The following FAM120C variants were observed in gnomAD, a reference collection of about 807,000 sequenced individuals.
FAM120C encodes constitutive coactivator of PPAR-gamma-like protein 2.
FAM120C carries 14 observed loss-of-function variants against 71.2 expected under a neutral mutation model. The ratio of observed to expected loss-of-function variants is 0.20; its 90% CI spans 0.13 to 0.31. The LOEUF is 0.31. FAM120C is among the 10% of genes least tolerant of loss of function. FAM120C has a pLI of 1.00. For missense variants in FAM120C, 500 were observed against 879.0 expected (o/e 0.57, Z 5.45); for synonymous variants, 354 against 353.2 (o/e 1.00, Z -0.03).
chrX:54,133,746 G>A, intron 8 of FAM120C, 27 bp downstream of exon 8: 2 of 1,200,244 alleles, frequency 1.7e-6, no homozygotes, highest in Non-Finnish European at 1.1e-6. Flanking sequence ...TAAGAGCAGG[G>A]AGGTAGGTGC....
intron 1 of FAM120C, among the ~76,000 whole-genome samples, chrX:54,175,027 G>A (rs142988669): frequency 0.017 from 1,890 of 110,949 alleles, 18 homozygotes; most frequent in Middle Eastern, 0.023. Context: ...CTACTAGATA[G>A]ACTATGAGCT....
intron 5 of FAM120C, 104 bp downstream of exon 5, chrX:54,136,387 G>A: frequency 1.8e-6 from 1 of 543,693 alleles, no homozygotes; most frequent in Non-Finnish European, 3.2e-6. Flanking sequence ...CTTGTAGGAG[G>A]ATATAACACG....
At chrX:54,092,998 A>G (rs2066831884) in intron 10 of FAM120C, among the ~76,000 whole-genome samples, 1 of 112,306 alleles carries the variant, frequency 8.9e-6, no homozygotes, top group African/African-American at 3.2e-5. Context: ...CTTAATACAC[A>G]GAAAACACAT....
intron 3 of FAM120C, among the ~76,000 whole-genome samples, chrX:54,156,380 T>G (rs2067209724): frequency 1.2e-5 from 1 of 84,280 alleles, no homozygotes; most frequent in Non-Finnish European, 2.2e-5. Flanking sequence ...TAGACTGCAG[T>G]GGTGCGATCT....
chrX:54,106,078 C>T (rs1256228043), intron 10 of FAM120C, among the ~76,000 whole-genome samples: 1 of 111,624 alleles, frequency 9.0e-6, no homozygotes, highest in Non-Finnish European at 1.9e-5. Flanking sequence ...TCATATGGAA[C>T]CAAAAAGGAG....
At chrX:54,154,406 A>C (rs1024780575) in intron 3 of FAM120C, among the ~76,000 whole-genome samples, 4 of 109,416 alleles carry the variant, frequency 3.7e-5, no homozygotes, top group Non-Finnish European at 5.7e-5. Flanking sequence ...CAGGAGTTTG[A>C]GACCAGCCTG....
intron 1 of FAM120C, among the ~76,000 whole-genome samples, chrX:54,180,810 A>AT (rs1307081110): frequency 9.0e-6 from 1 of 110,753 alleles, no homozygotes; most frequent in Non-Finnish European, 1.9e-5. Flanking sequence ...TGATGAGGTA[A>AT]TTTTTTTTAA....
chrX:54,084,836 C>T (rs985979098), intron 13 of FAM120C, among the ~76,000 whole-genome samples: 1 of 111,502 alleles, frequency 9.0e-6, no homozygotes, highest in East Asian at 2.8e-4. Flanking sequence ...CAAGTGCCAC[C>T]GTAATTTATA....
chrX:54,174,309 C>CG (rs1372200387), intron 1 of FAM120C, among the ~76,000 whole-genome samples: 4 of 111,644 alleles, frequency 3.6e-5, no homozygotes, highest in Admixed American at 9.5e-5. Flanking sequence ...AGCCCACAAA[C>CG]GGGGGGGACA....
At chrX:54,091,258 G>T (rs1406133065) in intron 11 of FAM120C, 54 bp downstream of exon 11, 20 of 827,750 alleles carry the variant, frequency 2.4e-5, no homozygotes, top group Non-Finnish European at 2.6e-5. Flanking sequence ...AAGACCTAAA[G>T]TAGTGCCATA....
chrX:54,180,512 G>A (rs2067342729), intron 1 of FAM120C, among the ~76,000 whole-genome samples: 1 of 112,532 alleles, frequency 8.9e-6, no homozygotes, highest in South Asian at 3.7e-4. Context: ...CCTACAGCAA[G>A]CACTCAAATA....
At chrX:54,104,810 G>C (rs782448903) in intron 10 of FAM120C, among the ~76,000 whole-genome samples, 4 of 109,245 alleles carry the variant, frequency 3.7e-5, no homozygotes, top group African/African-American at 6.7e-5. Context: ...TCTGTCTCGG[G>C]GGGGGAAAAA....
At chrX:54,130,295 T>C (rs1298832320) in intron 9 of FAM120C, among the ~76,000 whole-genome samples, 1 of 111,991 alleles carries the variant, frequency 8.9e-6, no homozygotes, top group African/African-American at 3.2e-5. Context: ...ACTCTGTTGA[T>C]TGTTTCTTTT....
At chrX:54,143,252 G>A (rs2067136118) in intron 4 of FAM120C, among the ~76,000 whole-genome samples, 1 of 110,480 alleles carries the variant, frequency 9.1e-6, no homozygotes, top group South Asian at 3.9e-4. Flanking sequence ...ACAATTAAAA[G>A]AACTAGAGAA....
chrX:54,162,312 G>A (rs782602778), intron 1 of FAM120C, among the ~76,000 whole-genome samples: 1 of 111,336 alleles, frequency 9.0e-6, no homozygotes, highest in South Asian at 3.8e-4. Context: ...TGGTTTCCCT[G>A]CCTAGAATGC....
At chrX:54,179,097 A>G (rs782759598) in intron 1 of FAM120C, among the ~76,000 whole-genome samples, 3 of 111,987 alleles carry the variant, frequency 2.7e-5, no homozygotes, top group South Asian at 7.5e-4. Context: ...CAGGCAAGCA[A>G]TTTGTGGGTT....
intron 4 of FAM120C, among the ~76,000 whole-genome samples, chrX:54,142,775 T>C (rs782410138): frequency 1.8e-4 from 20 of 111,984 alleles, no homozygotes; most frequent in African/African-American, 4.9e-4. Context: ...GATCTGAGAA[T>C]GGACAGACTG....
chrX:54,165,962 AG>A (rs2146642006), intron 1 of FAM120C, among the ~76,000 whole-genome samples: 1 of 110,368 alleles, frequency 9.1e-6, no homozygotes, highest in East Asian at 2.8e-4. Context: ...CTGATGAATA[AG>A]AAAAAAAAAT....
At chrX:54,090,239 C>CTT (rs201924234) in intron 11 of FAM120C, among the ~76,000 whole-genome samples, 9 of 100,890 alleles carry the variant, frequency 8.9e-5, no homozygotes, top group Admixed American at 1.1e-4. Flanking sequence ...CCTTGCCCTT[C>CTT]TTTTTTTTTG....
Sources: gnomAD v4.1 joint callset for allele counts (sites outside exome capture counted in the v4.1 genomes callset) on GRCh38, gnomAD v4.1.1 for gene constraint, MANE v1.5 for transcripts, NCBI Gene and HGNC (gene_info 2026-07-23, HGNC 2026-07-21) for gene names.